Variants in ARHGAP35 observed in about 807,000 individuals in gnomAD.
ARHGAP35 encodes rho GTPase-activating protein 35.
Under a neutral mutation model 111.1 loss-of-function variants are expected in ARHGAP35, and 15 were observed. The ratio of observed to expected loss-of-function variants is 0.13; its 90% CI spans 0.09 to 0.21. The LOEUF (loss-of-function observed/expected upper bound fraction) is 0.21. Among genes scored for constraint, ARHGAP35 ranks in the 10% least tolerant of loss-of-function variants. The probability of loss-of-function intolerance (pLI) is 1.00; values close to 1 mark genes in which losing one functional copy is unlikely to be tolerated. For missense variants in ARHGAP35, 1,262 were observed against 1,873.0 expected (o/e 0.67, Z 6.02); for synonymous variants, 643 against 710.3 (o/e 0.91, Z 1.51).
rs150415022 is a variant in ARHGAP35, at chr19:46,974,381, C to G, written c.3827-13608C>G. Among the ~76,000 whole-genome samples, 213 of 152,342 alleles carry G rather than the reference C, an allele frequency of 1.4e-3. 1 individual carries two copies. The highest frequency in any genetic ancestry group is 4.9e-3 in the African/African-American group (204 of 41,584). On this transcript the variant is annotated intron_variant, in intron 3 of 6. Coordinates refer to ENST00000672722, the MANE Select transcript of ARHGAP35 (RefSeq NM_004491.5). The stretch of plus-strand genomic sequence containing the variant: ...CTTCTGTCCTACTTGCCTTCAAAGT[C>G]TGGCGTTACCATCCCATTCCTCCCT...
intron 1 of ARHGAP35, among the ~76,000 whole-genome samples, chr19:46,875,277 G>A (rs1228067522): frequency 2.0e-5 from 3 of 152,136 alleles, no homozygotes; most frequent in Admixed American, 6.5e-5. Flanking sequence ...GGAGGTTGGC[G>A]TTCAGACATC....
At chr19:46,941,024 T>C (rs1356718241) in intron 3 of ARHGAP35, among the ~76,000 whole-genome samples, 1 of 149,380 alleles carries the variant, frequency 6.7e-6, no homozygotes, top group African/African-American at 2.4e-5. Flanking sequence ...TACTATGCCA[T>C]TGTCCCCTGC....
chr19:46,924,039 A>C (rs1222203661), intron 2 of ARHGAP35, among the ~76,000 whole-genome samples: 1 of 152,168 alleles, frequency 6.6e-6, no homozygotes, highest in African/African-American at 2.4e-5. Context: ...ATAATCCTTC[A>C]CCAGCAGATT....
At chr19:46,891,855 T>C (rs949025469) in intron 1 of ARHGAP35, among the ~76,000 whole-genome samples, 3 of 152,154 alleles carry the variant, frequency 2.0e-5, no homozygotes, top group African/African-American at 7.2e-5. Context: ...AAGAATTGGT[T>C]AACTGGCCAG....
At chr19:46,940,751 G>A (rs558131423) in intron 3 of ARHGAP35, among the ~76,000 whole-genome samples, 3 of 152,108 alleles carry the variant, frequency 2.0e-5, no homozygotes, top group East Asian at 1.9e-4. Flanking sequence ...CACTGTGCCC[G>A]GCCTTGGCTT....
At chr19:46,936,249 T>TAA (rs1360403954) in intron 2 of ARHGAP35, among the ~76,000 whole-genome samples, 13 of 151,866 alleles carry the variant, frequency 8.6e-5, no homozygotes, top group Non-Finnish European at 8.8e-5. Context: ...CTGAAAATTA[T>TAA]AATAATAATA....
At chr19:46,972,984 G>A (rs1051824459) in intron 3 of ARHGAP35, among the ~76,000 whole-genome samples, 9 of 152,174 alleles carry the variant, frequency 5.9e-5, no homozygotes, top group African/African-American at 1.9e-4. Context: ...CCCCTGCACT[G>A]AAGATTTACT....
At chr19:46,871,957 G>T (rs1290489304) in intron 1 of ARHGAP35, among the ~76,000 whole-genome samples, 1 of 152,036 alleles carries the variant, frequency 6.6e-6, no homozygotes, top group Admixed American at 6.6e-5. Context: ...TCCAGCATGG[G>T]TGACAGAGTG....
chr19:46,998,317 C>T (rs570932908), intron 5 of ARHGAP35, among the ~76,000 whole-genome samples: 2 of 152,262 alleles, frequency 1.3e-5, no homozygotes, highest in African/African-American at 4.8e-5. Context: ...GCTGTGAGGT[C>T]GCTGCCATCT....
chr19:46,955,586 G>A (rs983117960), intron 3 of ARHGAP35, among the ~76,000 whole-genome samples: 3 of 152,042 alleles, frequency 2.0e-5, no homozygotes, highest in African/African-American at 7.2e-5. Flanking sequence ...AATTTCATAC[G>A]ATGTTTTTTG....
rs1184803495 is a variant in ARHGAP35 at position 46,861,113 on chromosome 19, C to T, written c.-285C>T. On this transcript the variant is annotated 5_prime_UTR_variant, in exon 1 of 7. Transcript: ENST00000672722. ...GCCGGAGCCGCCGCCGCCGCCTCAG[C>T]CGCCGCTGGACTAGGAGCAGGGGAA... Among the ~76,000 whole-genome samples, 4 of 151,538 alleles carry T rather than the reference C, an allele frequency of 2.6e-5. No homozygotes were observed. The highest frequency in any genetic ancestry group is 6.6e-5 in the Admixed American group (1 of 15,234).
Position 46,999,184 on chromosome 19 carries a change from G to A in ARHGAP35, c.4037-120G>A, listed in dbSNP as rs969818860. The A allele has an allele frequency of 1.4e-5, 9 of 662,854 alleles. No homozygotes were observed. The highest frequency in any genetic ancestry group is 2.4e-5 in the Non-Finnish European group (9 of 377,564). 41.1% of individuals were successfully genotyped at this position (662,854 alleles called of 1,614,324 possible). On this transcript the variant is annotated intron_variant, in intron 5 of 6. Transcript: ENST00000672722. The surrounding 1 kb of genome is among the most constrained non-coding windows in gnomAD (Gnocchi z 5.4). ...GGCACAGGCTTTGGGGGAAAGAGTGGGGTTAGTGTCATCCAAAAGCCCTGG... is the reference window on the plus strand; with the variant it reads ...GGCACAGGCTTTGGGGGAAAGAGTGAGGTTAGTGTCATCCAAAAGCCCTGG...
At chr19:46,942,554 T>C (rs551626683) in intron 3 of ARHGAP35, among the ~76,000 whole-genome samples, 1 of 152,236 alleles carries the variant, frequency 6.6e-6, no homozygotes, top group East Asian at 1.9e-4. Flanking sequence ...GGAGAATTAC[T>C]TGAACCCACG....
At position 46,962,324 on chromosome 19, in the gene ARHGAP35, C is replaced by T. The variant is rs1221532008; in HGVS notation, c.3826+24916C>T. Among the ~76,000 whole-genome samples the T allele has an allele frequency of 2.0e-5, 3 of 152,220 alleles. No homozygotes were observed. In the East Asian group the frequency reaches 5.8e-4, roughly 29 times the overall value. On this transcript the variant is annotated intron_variant, in intron 3 of 6. Coordinates refer to ENST00000672722, the MANE Select transcript of ARHGAP35 (RefSeq NM_004491.5). ...GGTTTCTGAGAGCCTGTGCAAGAAG[C>T]CAGAGCCCTGGCCTGCCTTGCCAAG...
rs2056765423 is a variant in ARHGAP35 at position 47,004,418 on chromosome 19, G to A, written c.*3730G>A. 1 of 152,354 alleles carries A rather than the reference G, an allele frequency of 6.6e-6. No homozygotes were observed. The highest frequency in any genetic ancestry group is 2.4e-5 in the African/African-American group (1 of 41,472). The allele number at this position is 152,354 out of a possible 1,614,324, so 9.4% of individuals were successfully genotyped here. A position where few individuals can be genotyped will look rare whatever the true frequency, so the allele number is the denominator to read the frequency against. ...TGGGCTGGCCTCCCCCAGCCCTCCCGTGGCGGAGCCGGCAGCGATGCTACA... is the reference window on the plus strand; with the variant it reads ...TGGGCTGGCCTCCCCCAGCCCTCCCATGGCGGAGCCGGCAGCGATGCTACA... On this transcript the variant is annotated 3_prime_UTR_variant, in exon 7 of 7. Coordinates refer to ENST00000672722, the MANE Select transcript of ARHGAP35 (RefSeq NM_004491.5).
At chr19:46,954,742 T>G (rs962796927) in intron 3 of ARHGAP35, among the ~76,000 whole-genome samples, 4 of 152,264 alleles carry the variant, frequency 2.6e-5, no homozygotes, top group African/African-American at 9.6e-5. Flanking sequence ...ACAATTTATC[T>G]TTTCATGTAA....
rs1188649140 is a variant in ARHGAP35, at chr19:46,926,300, C to T, written c.3681+3944C>T. On this transcript the variant is annotated intron_variant, in intron 2 of 6. Transcript: ENST00000672722. The surrounding 1 kb of genome is among the most constrained non-coding windows in gnomAD (Gnocchi z 4.1). ...CCCAGCTGAACCATTTAGCAACCCA[C>T]CCTCATAGTGGGAGCCTTCCGCACT... 2.0e-5 allele frequency among the ~76,000 whole-genome samples: 3 copies of T among 152,184 alleles called. No individual in the cohort carries two copies. Among genetic ancestry groups the T allele is most frequent in the African/African-American group, 7.2e-5 (3 of 41,446 alleles).
intron 2 of ARHGAP35, among the ~76,000 whole-genome samples, chr19:46,930,483 C>CAA (rs547602106): frequency 4.1e-4 from 56 of 136,410 alleles, no homozygotes; most frequent in African/African-American, 1.4e-3. Flanking sequence ...AAAAAAAAGA[C>CAA]AAAAAAAGGC....
Position 46,971,693 on chromosome 19 carries a change from T to C in ARHGAP35, c.3827-16296T>C, listed in dbSNP as rs535021754. ...TTTTGTATTTTTAGTAGAGACGGGGTTTCACCAAGTTGGTCAGGCTGGTCT... is the reference window on the plus strand; with the variant it reads ...TTTTGTATTTTTAGTAGAGACGGGGCTTCACCAAGTTGGTCAGGCTGGTCT... On this transcript the variant is annotated intron_variant, in intron 3 of 6. Coordinates refer to ENST00000672722, the MANE Select transcript of ARHGAP35 (RefSeq NM_004491.5). Among the ~76,000 whole-genome samples, 10 of 151,730 alleles carry C rather than the reference T, an allele frequency of 6.6e-5. No homozygotes were observed. The South Asian group carries it at 2.1e-3, about 32-fold the overall frequency.
Sources: gnomAD v4.1 joint callset for allele counts (sites outside exome capture counted in the v4.1 genomes callset) on GRCh38, gnomAD v4.1.1 for gene constraint, Gnocchi (gnomAD v3.1) non-coding constraint, MANE v1.5 for transcripts, NCBI Gene and HGNC (gene_info 2026-07-23, HGNC 2026-07-21) for gene names.